FRMD4A: variants seen among roughly 807,000 people sequenced by gnomAD.
FRMD4A encodes the protein FERM domain-containing protein 4A.
In FRMD4A, 29 loss-of-function variants were observed where a neutral mutation model predicts 129.1. The ratio of observed to expected loss-of-function variants is 0.22; its 90% CI spans 0.17 to 0.31. The LOEUF (loss-of-function observed/expected upper bound fraction) is 0.31, where lower values mean the gene tolerates loss of function less well. Among genes scored for constraint, FRMD4A ranks in the 10% least tolerant of loss-of-function variants. FRMD4A has a pLI of 1.00. For missense variants in FRMD4A, 1,272 were observed against 1,375.8 expected (o/e 0.92, Z 1.19); for synonymous variants, 634 against 571.6 (o/e 1.11, Z -1.56).
At chr10:13,890,615 C>T (rs770543876) in intron 2 of FRMD4A, 59 of 985,250 alleles carry the variant, frequency 6.0e-5, no homozygotes, top group African/African-American at 7.0e-5. Flanking sequence ...TCAGAGCAAC[C>T]CCTTTCATCA....
rs3814668 is a variant in FRMD4A at position 13,718,000 on chromosome 10, G to A, written c.760-10887C>T. 0.011 allele frequency among the ~76,000 whole-genome samples: 1,745 copies of A among 152,354 alleles called. 69 individuals carry two copies. In the South Asian group the frequency reaches 0.11, roughly 10 times the overall value. ...GCGAGGCAAAAAAAGAAAAAAGCAA[G>A]CAAGCAAACCAGCAAGGGCTTTGGC... On this transcript the variant is annotated intron_variant, in intron 12 of 24. Coordinates refer to ENST00000357447, the MANE Select transcript of FRMD4A (RefSeq NM_018027.5).
At chr10:13,792,550 T>C (rs780949993) in intron 5 of FRMD4A, among the ~76,000 whole-genome samples, 1 of 152,106 alleles carries the variant, frequency 6.6e-6, no homozygotes, top group African/African-American at 2.4e-5. Context: ...TGGGGAAGAA[T>C]TTATGGACCA....
intron 2 of FRMD4A, among the ~76,000 whole-genome samples, chr10:13,880,497 C>G (rs919985349): frequency 6.6e-6 from 1 of 152,212 alleles, no homozygotes; most frequent in Non-Finnish European, 1.5e-5. Flanking sequence ...GCACCCAAAC[C>G]ATTTCTGCAT....
chr10:13,851,763 G>C (rs1427019221), intron 3 of FRMD4A, among the ~76,000 whole-genome samples: 1 of 151,956 alleles, frequency 6.6e-6, no homozygotes, highest in Non-Finnish European at 1.5e-5. Context: ...AGTTGGGTGT[G>C]GTGGCGCCTG....
chr10:14,149,110 T>C (rs1840221829), intron 2 of FRMD4A, among the ~76,000 whole-genome samples: 1 of 152,238 alleles, frequency 6.6e-6, no homozygotes, highest in African/African-American at 2.4e-5. Flanking sequence ...CTTAAAACTT[T>C]CTGGGCTGTA....
chr10:13,892,300 G>C lies in FRMD4A; in HGVS notation c.46-33388C>G, dbSNP rs115629437. 3.4e-3 allele frequency among the ~76,000 whole-genome samples: 513 copies of C among 152,154 alleles called. 1 individual carries two copies. Among genetic ancestry groups the C allele is most frequent in the African/African-American group, 0.012 (485 of 41,504 alleles). ...GCTGAAGGCACAGCTCTTACCCCTC[G>C]ATCTAGTCCAATTGTATTGAATTTT... is the stretch of plus-strand genomic sequence containing the variant. On this transcript the variant is annotated intron_variant, in intron 2 of 24. Coordinates refer to ENST00000357447, the MANE Select transcript of FRMD4A (RefSeq NM_018027.5).
chr10:13,726,029 G>A (rs573754695), intron 12 of FRMD4A, among the ~76,000 whole-genome samples: 21 of 152,344 alleles, frequency 1.4e-4, no homozygotes, highest in East Asian at 3.9e-4. Context: ...TTAGTGCCAA[G>A]GAAGTGAGTT....
intron 7 of FRMD4A, 56 bp downstream of exon 7, chr10:13,762,568 T>C (rs1215234095): frequency 2.0e-6 from 2 of 1,013,862 alleles, no homozygotes; most frequent in Non-Finnish European, 3.1e-6. Flanking sequence ...TAAGTCTTAC[T>C]TCCTTTCTTC....
chr10:14,241,212 G>C (rs1211189657), intron 2 of FRMD4A, among the ~76,000 whole-genome samples: 3 of 152,222 alleles, frequency 2.0e-5, no homozygotes, highest in Admixed American at 1.3e-4. Context: ...TAATAAAATA[G>C]CCCAGCTAAT....
At chr10:14,320,867 T>C (rs1348811242) in intron 2 of FRMD4A, among the ~76,000 whole-genome samples, 1 of 152,190 alleles carries the variant, frequency 6.6e-6, no homozygotes, top group East Asian at 1.9e-4. Context: ...TGGCCCAGGT[T>C]GGAATGCCCC....
chr10:14,158,754 TG>T (rs1189981174), intron 2 of FRMD4A, among the ~76,000 whole-genome samples: 1 of 98,748 alleles, frequency 1.0e-5, no homozygotes, highest in Non-Finnish European at 2.1e-5. Context: ...GAGGAGGAGG[TG>T]GAAGAGGATG....
At chr10:14,130,550 C>T (rs1839190815) in intron 2 of FRMD4A, among the ~76,000 whole-genome samples, 1 of 152,168 alleles carries the variant, frequency 6.6e-6, no homozygotes, top group Non-Finnish European at 1.5e-5. Flanking sequence ...CAGACCCAGC[C>T]CATAGTAAAC....
intron 12 of FRMD4A, among the ~76,000 whole-genome samples, chr10:13,720,734 A>G (rs1588419002): frequency 1.3e-5 from 2 of 152,206 alleles, no homozygotes; most frequent in Admixed American, 6.5e-5. Context: ...TCGAGTCAAT[A>G]TCAGAAAGAA....
At chr10:13,787,879 A>G (rs1452430792) in intron 5 of FRMD4A, among the ~76,000 whole-genome samples, 53 of 3,686 alleles carry the variant, frequency 0.014, no homozygotes, top group Non-Finnish European at 0.12. Flanking sequence ...AAAAAAAAGA[A>G]AAAAAAAAAA....
chr10:13,677,997 A>C lies in FRMD4A; in HGVS notation c.1118-2953T>G, dbSNP rs116121289. On this transcript the variant is annotated intron_variant, in intron 15 of 24. Transcript: ENST00000357447. ...AATAATGATTTATTAAGTCCAATCT[A>C]AGAATTAACTGTGTTCTGGAATGGC... Among the ~76,000 whole-genome samples, 1,146 of 152,288 alleles carry C rather than the reference A, an allele frequency of 7.5e-3. 23 individuals carry two copies. The highest frequency in any genetic ancestry group is 0.027 in the African/African-American group (1,106 of 41,538).
chr10:13,971,770 G>A (rs1413528616), intron 2 of FRMD4A: 1 of 1,304,360 alleles, frequency 7.7e-7, no homozygotes, highest in Non-Finnish European at 1.0e-6. Context: ...TCCACGGTGG[G>A]TCCTCAGAGC....
At chr10:14,140,816 C>T (rs1839797525) in intron 2 of FRMD4A, among the ~76,000 whole-genome samples, 1 of 152,088 alleles carries the variant, frequency 6.6e-6, no homozygotes. Context: ...TCAAATCCCC[C>T]ATTTGTTACA....
rs770665275 is a variant in FRMD4A at position 13,663,444 on chromosome 10, T to C, written c.1660+9A>G. 1 of 1,408,198 alleles carries C rather than the reference T, an allele frequency of 7.1e-7. No homozygotes were observed. Among genetic ancestry groups the C allele is most frequent in the Non-Finnish European group, 1.0e-6 (1 of 991,622 alleles). 87.2% of individuals were successfully genotyped at this position (1,408,198 alleles called of 1,614,324 possible). A position where few individuals can be genotyped will look rare whatever the true frequency, so the allele number is the denominator to read the frequency against. On this transcript the variant is annotated intron_variant, in intron 19 of 24. Transcript: ENST00000357447. ...TGTAGGTTTGTAAGCAGGAAATGCATAAACCTACCATCCTCAAGAACAAGG... is the reference window on the plus strand; with the variant it reads ...TGTAGGTTTGTAAGCAGGAAATGCACAAACCTACCATCCTCAAGAACAAGG...
rs1284330228 is a variant in FRMD4A at position 14,258,218 on chromosome 10, GTATTATATTACATAATATTATT to G, written c.45+71818_45+71839del. Among the ~76,000 whole-genome samples the G allele has an allele frequency of 4.6e-5, 7 of 150,590 alleles. No homozygotes were observed. The South Asian group carries it at 1.0e-3, about 23-fold the overall frequency. On this transcript the variant is annotated intron_variant, in intron 2 of 24. Transcript: ENST00000357447. ...AACTTATACTCTTCAAAAAAGAAGA[GTATTATATTACATAATATTATT>G]TATTATATTACATAATAAAAGGCAA...
Sources: allele counts gnomAD v4.1 joint callset (sites outside exome capture counted in the v4.1 genomes callset), GRCh38; gene constraint gnomAD v4.1.1; transcripts MANE v1.5; gene names NCBI Gene and HGNC (gene_info 2026-07-23, HGNC 2026-07-21).